EPHB2: variants seen among roughly 807,000 people sequenced by gnomAD.
The protein encoded by EPHB2 is EPH receptor B2.
A neutral mutation model predicts 96.4 loss-of-function variants in EPHB2; 18 were observed. The ratio of observed to expected loss-of-function variants is 0.19; its 90% CI spans 0.13 to 0.28. The LOEUF (loss-of-function observed/expected upper bound fraction) is 0.28. Among genes scored for constraint, EPHB2 ranks in the 10% least tolerant of loss-of-function variants. EPHB2 has a pLI of 1.00. For missense variants in EPHB2, 989 were observed against 1,355.4 expected (o/e 0.73, Z 4.25); for synonymous variants, 506 against 534.1 (o/e 0.95, Z 0.72).
At chr1:22,840,758 G>T (rs999740058) in intron 3 of EPHB2, among the ~76,000 whole-genome samples, 2 of 152,240 alleles carry the variant, frequency 1.3e-5, no homozygotes. Flanking sequence ...ACCATGCCCG[G>T]CTCCCCAAGT....
chr1:22,723,104 A>G (rs1643504097), intron 1 of EPHB2, among the ~76,000 whole-genome samples: 1 of 152,256 alleles, frequency 6.6e-6, no homozygotes, highest in South Asian at 2.1e-4. Flanking sequence ...TGGCGACGAC[A>G]TATGTCCACG....
At chr1:22,838,102 G>A (rs982593065) in intron 3 of EPHB2, among the ~76,000 whole-genome samples, 1 of 152,202 alleles carries the variant, frequency 6.6e-6, no homozygotes, top group Admixed American at 6.5e-5. Context: ...GATAAACAGA[G>A]CCCGGGGTTT....
At chr1:22,741,281 C>T (rs1340845771) in intron 1 of EPHB2, among the ~76,000 whole-genome samples, 1 of 152,104 alleles carries the variant, frequency 6.6e-6, no homozygotes, top group African/African-American at 2.4e-5. Context: ...GTCTTCCCAA[C>T]CTGACACTTC....
At chr1:22,799,721 G>A (rs868251174) in intron 3 of EPHB2, among the ~76,000 whole-genome samples, 36 of 152,186 alleles carry the variant, frequency 2.4e-4, no homozygotes, top group Admixed American at 1.2e-3. Flanking sequence ...AACACAGGTC[G>A]TTTGGTGGAG....
At chr1:22,792,574 C>G (rs1049500790) in intron 3 of EPHB2, among the ~76,000 whole-genome samples, 1 of 151,914 alleles carries the variant, frequency 6.6e-6, no homozygotes, top group Non-Finnish European at 1.5e-5. Flanking sequence ...TCCATTGGTC[C>G]ATCCATCCAT....
In EPHB2 at chr1:22,917,533, C is replaced by G. The variant is rs1011340850; in HGVS notation, c.*3963C>G. ...TGCTCCTGTCACTAGGGATGTGAAT[C>G]TGGGGAGACACTTCCCCTCACTGAG... On this transcript the variant is annotated 3_prime_UTR_variant, in exon 16 of 16. Transcript: ENST00000374630. 3 of 152,272 alleles carry G rather than the reference C, an allele frequency of 2.0e-5. No individual in the cohort carries two copies. Among genetic ancestry groups the G allele is most frequent in the Non-Finnish European group, 2.9e-5 (2 of 68,058 alleles). The allele number at this position is 152,272 out of a possible 1,614,324, so 9.4% of individuals were successfully genotyped here. A position where few individuals can be genotyped will look rare whatever the true frequency, so the allele number is the denominator to read the frequency against.
chr1:22,771,570 G>T (rs941216943), intron 1 of EPHB2, among the ~76,000 whole-genome samples: 3 of 152,188 alleles, frequency 2.0e-5, no homozygotes, highest in African/African-American at 4.8e-5. Context: ...TCTCAGCTCT[G>T]CCACGTCTTG....
intron 3 of EPHB2, among the ~76,000 whole-genome samples, chr1:22,801,517 G>A (rs142678993): frequency 2.0e-5 from 3 of 151,762 alleles, no homozygotes; most frequent in African/African-American, 4.8e-5. Context: ...TTGGGACCCA[G>A]GTCCAGTGGA....
rs60378630 is a variant in EPHB2 at position 22,863,657 on chromosome 1, T to A, written c.967+465T>A. Among the ~76,000 whole-genome samples, 980 of 152,266 alleles carry A rather than the reference T, an allele frequency of 6.4e-3. 8 individuals are homozygous for A. The highest frequency in any genetic ancestry group is 0.022 in the African/African-American group (895 of 41,502). On this transcript the variant is annotated intron_variant, in intron 4 of 15. Transcript: ENST00000374630. ...AGCTGTAAGTAACAGAGCTGAGCCC[T>A]ATGGCTGAAACTGTACGGATTTATT...
At chr1:22,863,644 C>T (rs559716900) in intron 4 of EPHB2, among the ~76,000 whole-genome samples, 1 of 152,342 alleles carries the variant, frequency 6.6e-6, no homozygotes, top group African/African-American at 2.4e-5. Context: ...CTGTAAGTAA[C>T]AGAGCTGAGC....
intron 1 of EPHB2, among the ~76,000 whole-genome samples, chr1:22,720,218 C>T (rs983954332): frequency 1.3e-5 from 2 of 152,228 alleles, no homozygotes; most frequent in Non-Finnish European, 2.9e-5. Flanking sequence ...CCCCTGCAGC[C>T]TTCTGTGGTG....
At chr1:22,873,656 C>A (rs1003673353) in intron 5 of EPHB2, among the ~76,000 whole-genome samples, 31 of 148,750 alleles carry the variant, frequency 2.1e-4, no homozygotes, top group African/African-American at 7.7e-4. Flanking sequence ...GATAGGAGTA[C>A]AGCAACTCCG....
chr1:22,906,876 G>A lies in EPHB2; in HGVS notation c.2055G>A (p.Leu685=), dbSNP rs1639934279. ...TCGACCATCCCAACGTCATCCACCT[G>A]GAGGGTGTCGTGACCAAGAGCACAC... ...GQFDHPNVIH[L]EGVVTKSTPV... is the part of the protein sequence containing the mutation. Residue 685 remains leucine, a synonymous_variant, in exon 11 of 16, where the codon CTG becomes CTA. Transcript: ENST00000374630. This position sits in a 1 kb window ranked among gnomAD's most constrained non-coding sequence, Gnocchi z 4.8. 4 of 1,614,094 alleles carry A rather than the reference G, an allele frequency of 2.5e-6. No individual in the cohort carries two copies. The highest frequency in any genetic ancestry group is 3.4e-6 in the Non-Finnish European group (4 of 1,180,036).
chr1:22,843,779 G>A lies in EPHB2; in HGVS notation c.812-19258G>A, dbSNP rs1300316794. ...TGCTCTCGAACTCCTGACCTCAAGT[G>A]ATCTGCCCACCTCAGTTTCCCAAAG... On this transcript the variant is annotated intron_variant, in intron 3 of 15. Transcript: ENST00000374630. 3.3e-5 allele frequency among the ~76,000 whole-genome samples: 5 copies of A among 152,218 alleles called. No homozygotes were observed. In the East Asian group the frequency reaches 7.7e-4, roughly 23 times the overall value.
intron 11 of EPHB2, among the ~76,000 whole-genome samples, chr1:22,907,234 T>C (rs1639947173): frequency 6.6e-6 from 1 of 152,194 alleles, no homozygotes; most frequent in Admixed American, 6.5e-5. Flanking sequence ...ACATCTGAAA[T>C]CTGTTTCCAT....
chr1:22,728,728 C>T (rs1394561440), intron 1 of EPHB2, among the ~76,000 whole-genome samples: 3 of 152,194 alleles, frequency 2.0e-5, no homozygotes, highest in East Asian at 1.9e-4. Context: ...CTCTAAGGCC[C>T]GTTGTCCTGC....
At chr1:22,871,826 A>C (rs888202976) in intron 5 of EPHB2, among the ~76,000 whole-genome samples, 1 of 151,878 alleles carries the variant, frequency 6.6e-6, no homozygotes, top group Non-Finnish European at 1.5e-5. Context: ...GACCAGCCTG[A>C]CCAACATGGT....
intron 1 of EPHB2, among the ~76,000 whole-genome samples, chr1:22,772,834 A>T (rs1037668158): frequency 6.6e-6 from 1 of 152,224 alleles, no homozygotes; most frequent in Non-Finnish European, 1.5e-5. Context: ...GAGCCTGGCA[A>T]CGATAGCACT....
intron 1 of EPHB2, among the ~76,000 whole-genome samples, chr1:22,716,334 G>C (rs1011682021): frequency 6.6e-6 from 1 of 151,670 alleles, no homozygotes; most frequent in Non-Finnish European, 1.5e-5. Flanking sequence ...GTGGGGACAG[G>C]TTCTTTTTTT....
Sources: allele counts gnomAD v4.1 joint callset (sites outside exome capture counted in the v4.1 genomes callset), GRCh38; gene constraint gnomAD v4.1.1; non-coding constraint Gnocchi (gnomAD v3.1); transcripts MANE v1.5; gene names NCBI Gene and HGNC (gene_info 2026-07-23, HGNC 2026-07-21).